DYNC2H1: variants seen among roughly 807,000 people sequenced by gnomAD.
The protein encoded by DYNC2H1 is dynein cytoplasmic 2 heavy chain 1.
DYNC2H1 carries 410 observed loss-of-function variants against 570.0 expected under a neutral mutation model. The observed-to-expected ratio is 0.72, with a 90% CI of 0.66 to 0.78. DYNC2H1 has a LOEUF of 0.78. DYNC2H1 is among the 30% of genes least tolerant of loss of function. The pLI is 0.00. For synonymous variants in DYNC2H1, 1,688 were observed against 1,677.6 expected (o/e 1.01, Z -0.15); for missense variants, 4,865 against 5,046.4 (o/e 0.96, Z 1.09).
At chr11:103,276,309 T>C (rs1303200047) in intron 70 of DYNC2H1, among the ~76,000 whole-genome samples, 1 of 152,156 alleles carries the variant, frequency 6.6e-6, no homozygotes, top group Non-Finnish European at 1.5e-5. Context: ...AGGAAGGTCT[T>C]TTCATTGTAT....
chr11:103,200,264 TCTTA>T (rs1324718992), intron 50 of DYNC2H1, 110 bp downstream of exon 50: 25 of 780,426 alleles, frequency 3.2e-5, no homozygotes, highest in Non-Finnish European at 3.1e-5. Context: ...TTGGCATAGT[TCTTA>T]CTTAGGAGAC....
chr11:103,466,047 A>G (rs1945184547), intron 87 of DYNC2H1, among the ~76,000 whole-genome samples: 1 of 152,168 alleles, frequency 6.6e-6, no homozygotes, highest in Admixed American at 6.5e-5. Context: ...ATCATTATTA[A>G]GCAATGGCAG....
rs1340318017 is a variant in DYNC2H1, at chr11:103,207,301, G to T, written c.8454+2337G>T. 3.3e-5 allele frequency among the ~76,000 whole-genome samples: 5 copies of T among 150,576 alleles called. No individual in the cohort carries two copies. The South Asian group carries it at 1.0e-3, about 32-fold the overall frequency. On this transcript the variant is annotated intron_variant, in intron 52 of 88. Coordinates refer to ENST00000375735, the MANE Select transcript of DYNC2H1 (RefSeq NM_001377.3). ...ATGCTGTTGAGAATGATTTAATAGG[G>T]AAGCAAAAAATATGTGATGCAAAAC...
rs755858936 is a variant in DYNC2H1 at position 103,257,612 on chromosome 11, G to T, written c.10466G>T (p.Arg3489Leu). The T allele has an allele frequency of 6.2e-7, 1 of 1,609,316 alleles. No individual in the cohort carries two copies. The highest frequency in any genetic ancestry group is 2.2e-5 in the East Asian group (1 of 44,678). Residue 3489 changes from arginine (R) to leucine (L), a missense_variant, in exon 69 of 89, where the codon CGG (arginine) becomes CTG (leucine). Arg to Leu is a moderately radical substitution (Grantham distance 102). Coordinates refer to ENST00000375735, the MANE Select transcript of DYNC2H1 (RefSeq NM_001377.3). Reference sequence around the variant, plus strand: ...TACTGATCTCTTGATCCATAGGAACGGGATGCCTATCTCCCCCTGGCTGAG... The same window carrying T: ...TACTGATCTCTTGATCCATAGGAACTGGATGCCTATCTCCCCCTGGCTGAG... ...YKLQISLDQE[R>L]DAYLPLAESA... is the part of the protein sequence containing the mutation.
chr11:103,148,311 G>A (rs982013691), intron 19 of DYNC2H1, among the ~76,000 whole-genome samples, 179 bp from the exon 20 acceptor site: 1 of 152,152 alleles, frequency 6.6e-6, no homozygotes, highest in Non-Finnish European at 1.5e-5. Flanking sequence ...TTCATGGGAA[G>A]AAATTTCTTT....
rs773420006 is a variant in DYNC2H1, at chr11:103,125,130, G to A, written c.1692G>A (p.Leu564=). 6.2e-7 allele frequency: 1 copy of A among 1,613,136 alleles called. No individual in the cohort carries two copies. The highest frequency in any genetic ancestry group is 1.3e-5 in the African/African-American group (1 of 74,982). The part of the protein sequence containing the change: ...CIEASSRIME[L]DSNDGLLKVH... ...AGGCTAGTAGTCGAATTATGGAATT[G>A]GATTCTAATGATGGATTACTAAAAG... The change falls in exon 12 of 89, where the codon TTG becomes TTA. Residue 564 remains leucine, a synonymous_variant. Coordinates refer to ENST00000375735, the MANE Select transcript of DYNC2H1 (RefSeq NM_001377.3).
At chr11:103,242,710 G>A (rs1864465728) in intron 63 of DYNC2H1, among the ~76,000 whole-genome samples, 1 of 151,928 alleles carries the variant, frequency 6.6e-6, no homozygotes, top group Non-Finnish European at 1.5e-5. Flanking sequence ...TGTGTGGAGG[G>A]CATTTTCACT....
chr11:103,234,131 G>T lies in DYNC2H1; in HGVS notation c.9538G>T (p.Asp3180Tyr), dbSNP rs776908424. ...KAAEVLINQL[D>Y]REHKRWNAQV... ...TGCAGAAGTCTTAATTAATCAGCTT[G>T]ACAGAGAACATAAGAGATGGAATGC... is the stretch of plus-strand genomic sequence containing the variant. The change falls in exon 61 of 89, where the codon GAC becomes TAC. Residue 3180 changes from aspartate to tyrosine, a missense_variant. Transcript: ENST00000375735. The T allele has an allele frequency of 7.0e-6, 11 of 1,582,692 alleles. No individual in the cohort carries two copies. The South Asian group carries it at 1.3e-4, about 18-fold the overall frequency.
Position 103,200,768 on chromosome 11 carries a change from C to T in DYNC2H1, c.8197+614C>T, listed in dbSNP as rs181936272. ...TCATTAACCTGGAAAAATGCACATT[C>T]TCCTTCTTCAGTTGGATATTACAAA... On this transcript the variant is annotated intron_variant, in intron 50 of 88. Coordinates refer to ENST00000375735, the MANE Select transcript of DYNC2H1 (RefSeq NM_001377.3). Among the ~76,000 whole-genome samples, 222 of 152,268 alleles carry T rather than the reference C, an allele frequency of 1.5e-3. 3 individuals are homozygous for T. Among genetic ancestry groups the T allele is most frequent in the Non-Finnish European group, 1.3e-4 (9 of 68,026 alleles).
intron 80 of DYNC2H1, among the ~76,000 whole-genome samples, chr11:103,320,550 C>G (rs1441179871): frequency 6.6e-6 from 1 of 152,126 alleles, no homozygotes; most frequent in Non-Finnish European, 1.5e-5. Context: ...TAGAGTTTCC[C>G]TGTTAATCAG....
At chr11:103,309,484 T>C (rs3930466) in intron 78 of DYNC2H1, among the ~76,000 whole-genome samples, 26,025 of 151,172 alleles carry the variant, frequency 0.17, 2,430 homozygotes, top group Admixed American at 0.26. Context: ...GCATGAGCCA[T>C]TGTGCCTGGT....
chr11:103,383,665 G>T (rs1221100957), intron 83 of DYNC2H1, among the ~76,000 whole-genome samples: 1 of 18,544 alleles, frequency 5.4e-5, no homozygotes, highest in Non-Finnish European at 1.6e-4. Flanking sequence ...TAGTAGGGAC[G>T]GGGTTTCACC....
chr11:103,167,109 T>C (rs187517225), intron 31 of DYNC2H1, among the ~76,000 whole-genome samples: 188 of 150,762 alleles, frequency 1.2e-3, no homozygotes, highest in Non-Finnish European at 2.2e-3. Context: ...TTAAGTCCAT[T>C]CAGTGATTTT....
intron 86 of DYNC2H1, among the ~76,000 whole-genome samples, chr11:103,455,603 TTAAAGTAA>T (rs767853598): frequency 3.3e-5 from 5 of 152,188 alleles, no homozygotes; most frequent in Non-Finnish European, 5.9e-5. Context: ...TGTAAATGAA[TTAAAGTAA>T]AAATCAGATT....
At chr11:103,273,498 T>C (rs1218034886) in intron 70 of DYNC2H1, among the ~76,000 whole-genome samples, 1 of 152,184 alleles carries the variant, frequency 6.6e-6, no homozygotes, top group Non-Finnish European at 1.5e-5. Flanking sequence ...CCCTTAATTT[T>C]TTTATTCTTA....
Position 103,165,882 on chromosome 11 carries a change from T to C in DYNC2H1, c.4612-16T>C, listed in dbSNP as rs1213859709. ...AAATTCACCTTTTAAAAATAATTTT[T>C]CTCTTTATTCAATAGATTTTATGCT... On this transcript the variant is annotated splice_polypyrimidine_tract_variant and intron_variant, in intron 30 of 88. Coordinates refer to ENST00000375735, the MANE Select transcript of DYNC2H1 (RefSeq NM_001377.3). The C allele has an allele frequency of 2.1e-6, 3 of 1,434,792 alleles. No homozygotes were observed. In the African/African-American group the frequency reaches 4.4e-5, roughly 21 times the overall value. 88.9% of individuals were successfully genotyped at this position (1,434,792 alleles called of 1,614,324 possible).
chr11:103,154,748 G>GAACAGTTGAA lies in DYNC2H1; in HGVS notation c.3512_3513insAACAGTTGAA (p.Lys1172ThrfsTer6), dbSNP rs1565348830. On this transcript the variant is annotated frameshift_variant, in exon 24 of 89. Transcript: ENST00000375735. LOFTEE classifies it high-confidence loss of function. ...TTGATGAACTGGCATGACAGATTAA[G>GAACAGTTGAA]GAAGGTTGAAGAACATTCAGTGATG... The GAACAGTTGAA allele has an allele frequency of 6.4e-7, 1 of 1,571,658 alleles. No homozygotes were observed. Among genetic ancestry groups the GAACAGTTGAA allele is most frequent in the Admixed American group, 1.9e-5 (1 of 53,490 alleles).
At chr11:103,430,666 A>G (rs1475764669) in intron 84 of DYNC2H1, among the ~76,000 whole-genome samples, 1 of 152,102 alleles carries the variant, frequency 6.6e-6, no homozygotes, top group Non-Finnish European at 1.5e-5. Context: ...AAATTTTATG[A>G]TGTCATCCTT....
Position 103,109,557 on chromosome 11 carries a change from C to CCT in DYNC2H1, c.-16_-15dup. On this transcript the variant is annotated 5_prime_UTR_variant, in exon 1 of 89. Coordinates refer to ENST00000375735, the MANE Select transcript of DYNC2H1 (RefSeq NM_001377.3). ...CTTCCTTCCCCCTTCCCCCAACTTC[C>CCT]CTCCACCCCTTCCAATCATGGCGAA... The CCT allele has an allele frequency of 2.5e-6, 4 of 1,611,642 alleles. No individual in the cohort carries two copies. The highest frequency in any genetic ancestry group is 3.4e-6 in the Non-Finnish European group (4 of 1,178,592).
Sources: gnomAD v4.1 joint callset for allele counts (sites outside exome capture counted in the v4.1 genomes callset) on GRCh38, gnomAD v4.1.1 for gene constraint, MANE v1.5 for transcripts, NCBI Gene and HGNC (gene_info 2026-07-23, HGNC 2026-07-21) for gene names.